The following SERGEF variants were observed in gnomAD, a reference collection of about 807,000 sequenced individuals.
SERGEF encodes secretion regulating guanine nucleotide exchange factor, also known as secretion-regulating guanine nucleotide exchange factor.
SERGEF carries 51 observed loss-of-function variants against 50.0 expected under a neutral mutation model. The observed-to-expected ratio is 1.02, with a 90% CI of 0.81 to 1.29. The LOEUF (loss-of-function observed/expected upper bound fraction) is 1.29. Ranked by LOEUF, SERGEF falls within the 50% of genes most tolerant of loss-of-function variation. SERGEF has a pLI of 0.00. For missense variants in SERGEF, 521 were observed against 557.0 expected (o/e 0.94, Z 0.65); for synonymous variants, 205 against 212.4 (o/e 0.97, Z 0.30).
At chr11:17,875,876 G>A (rs530618951) in intron 10 of SERGEF, among the ~76,000 whole-genome samples, 2 of 152,352 alleles carry the variant, frequency 1.3e-5, no homozygotes, top group South Asian at 4.1e-4. Context: ...CACAGCACCA[G>A]GCACTGAAGG....
intron 10 of SERGEF, among the ~76,000 whole-genome samples, chr11:17,861,413 G>A (rs1850924185): frequency 6.6e-6 from 1 of 152,224 alleles, no homozygotes; most frequent in Non-Finnish European, 1.5e-5. Context: ...AACTGGAAAT[G>A]GAACCCATGA....
intron 8 of SERGEF, among the ~76,000 whole-genome samples, chr11:17,986,004 T>C (rs2133993996): frequency 6.6e-6 from 1 of 152,332 alleles, no homozygotes; most frequent in South Asian, 2.1e-4. Context: ...TTTTAATCAA[T>C]ATCACACAAC....
At chr11:17,919,357 G>A (rs1053026531) in intron 9 of SERGEF, among the ~76,000 whole-genome samples, 2 of 152,174 alleles carry the variant, frequency 1.3e-5, no homozygotes, top group African/African-American at 4.8e-5. Flanking sequence ...CAGATCTAAT[G>A]GCTAGGAGGC....
intron 9 of SERGEF, among the ~76,000 whole-genome samples, chr11:17,919,116 T>C (rs1213329143): frequency 6.6e-6 from 1 of 152,188 alleles, no homozygotes; most frequent in African/African-American, 2.4e-5. Context: ...CATTTCTGAA[T>C]TGGTATTATA....
At chr11:17,893,059 T>C (rs1309328254) in intron 9 of SERGEF, among the ~76,000 whole-genome samples, 2 of 152,170 alleles carry the variant, frequency 1.3e-5, no homozygotes, top group East Asian at 3.8e-4. Context: ...CAGGAGAACA[T>C]CAAGACCTAC....
At chr11:17,890,879 G>A (rs1263635934) in intron 9 of SERGEF, among the ~76,000 whole-genome samples, 2 of 152,170 alleles carry the variant, frequency 1.3e-5, no homozygotes, top group Admixed American at 1.3e-4. Context: ...CATGTCAAAT[G>A]ACACAGAAGC....
chr11:17,885,115 CAAGTGA>C lies in SERGEF; in HGVS notation c.1012-6877_1012-6872del, dbSNP rs1590176539. Among the ~76,000 whole-genome samples the C allele has an allele frequency of 4.6e-5, 7 of 152,320 alleles. No homozygotes were observed. In the East Asian group the frequency reaches 9.6e-4, roughly 21 times the overall value. On this transcript the variant is annotated intron_variant, in intron 9 of 10. Coordinates refer to ENST00000265965, the MANE Select transcript of SERGEF (RefSeq NM_012139.4). ...TCCCTGTCACAAAGGCTCAAACTCT[CAAGTGA>C]CAGTTCTAACTCTTTTCCTTATCTC...
At chr11:17,972,188 A>G (rs1160633783) in intron 8 of SERGEF, among the ~76,000 whole-genome samples, 1 of 152,262 alleles carries the variant, frequency 6.6e-6, no homozygotes, top group African/African-American at 2.4e-5. Context: ...GCGATTTTAT[A>G]AACTTAATTG....
At chr11:17,970,097 A>T (rs1193650444) in intron 8 of SERGEF, among the ~76,000 whole-genome samples, 1 of 152,184 alleles carries the variant, frequency 6.6e-6, no homozygotes, top group Non-Finnish European at 1.5e-5. Context: ...ACTTCACTTT[A>T]TTGCACTTCA....
intron 9 of SERGEF, among the ~76,000 whole-genome samples, chr11:17,950,141 G>A (rs2237915): frequency 0.37 from 56,980 of 152,058 alleles, 10,965 homozygotes; most frequent in East Asian, 0.49. Flanking sequence ...ATAGGAAGCC[G>A]TCAGAAAGTA....
At chr11:17,805,334 G>GT (rs1849738949) in intron 10 of SERGEF, among the ~76,000 whole-genome samples, 1 of 152,212 alleles carries the variant, frequency 6.6e-6, no homozygotes, top group East Asian at 1.9e-4. Flanking sequence ...GGATCTGATG[G>GT]TTGATGTTCC....
intron 8 of SERGEF, among the ~76,000 whole-genome samples, chr11:17,974,499 T>C (rs760834845): frequency 6.6e-6 from 1 of 152,178 alleles, no homozygotes; most frequent in Admixed American, 6.5e-5. Context: ...TGCCAGGACC[T>C]GGAAACAGCC....
intron 8 of SERGEF, among the ~76,000 whole-genome samples, chr11:17,986,417 T>C (rs1331765539): frequency 6.6e-6 from 1 of 152,088 alleles, no homozygotes. Context: ...AAACAAGCAA[T>C]CTGAATTAAC....
At chr11:18,006,552 C>A in intron 3 of SERGEF, 39 bp downstream of exon 3, 2 of 1,591,796 alleles carry the variant, frequency 1.3e-6, no homozygotes, top group South Asian at 1.1e-5. Context: ...TCACCCAAAG[C>A]CTTTGTGGTG....
intron 9 of SERGEF, among the ~76,000 whole-genome samples, chr11:17,938,073 T>G (rs1208545715): frequency 6.6e-6 from 1 of 152,192 alleles, no homozygotes; most frequent in Non-Finnish European, 1.5e-5. Flanking sequence ...ACACCACAAG[T>G]AGTAAAAGCC....
intron 10 of SERGEF, chr11:17,854,826 CT>C (rs1489205492): frequency 6.6e-6 from 1 of 152,170 alleles, no homozygotes; most frequent in Non-Finnish European, 1.5e-5. Flanking sequence ...CTGGATCATG[CT>C]AAGTTCTGGC....
intron 1 of SERGEF, among the ~76,000 whole-genome samples, chr11:18,011,992 TC>T (rs1854206164): frequency 6.6e-6 from 1 of 152,150 alleles, no homozygotes; most frequent in Admixed American, 6.5e-5. Context: ...AATTTTGCTC[TC>T]CCCCAACACA....
intron 10 of SERGEF, among the ~76,000 whole-genome samples, chr11:17,857,630 G>A (rs1318113488): frequency 1.3e-5 from 2 of 152,138 alleles, no homozygotes; most frequent in Admixed American, 6.5e-5. Flanking sequence ...GGTGCTGCCC[G>A]AATAAAATGA....
chr11:18,011,413 G>T (rs183781992), intron 1 of SERGEF, among the ~76,000 whole-genome samples: 1 of 152,208 alleles, frequency 6.6e-6, no homozygotes, highest in Admixed American at 6.5e-5. Context: ...AAAAAGCCAT[G>T]TGAGGACACA....
Sources: allele counts gnomAD v4.1 joint callset (sites outside exome capture counted in the v4.1 genomes callset), GRCh38; gene constraint gnomAD v4.1.1; transcripts MANE v1.5; gene names NCBI Gene and HGNC (gene_info 2026-07-23, HGNC 2026-07-21).